Variants in MMP2 observed in about 807,000 individuals in gnomAD.
MMP2 encodes 72 kDa type IV collagenase.
Under a neutral mutation model 74.8 loss-of-function variants are expected in MMP2, and 39 were observed. That is an observed-to-expected ratio of 0.52 (90% CI 0.40 to 0.68). MMP2 has a LOEUF of 0.68. Ranked by LOEUF, MMP2 falls within the 30% of genes least tolerant of loss-of-function variation. The pLI, the probability that MMP2 is intolerant of heterozygous loss-of-function variation, is 0.00. For synonymous variants in MMP2, 367 were observed against 339.8 expected, an observed-to-expected ratio of 1.08 and a Z score of -0.88; for missense variants, 803 against 878.3, an observed-to-expected ratio of 0.91 and a Z score of 1.08.
chr16:55,506,666 T>C lies in MMP2; in HGVS notation c.*1224T>C, dbSNP rs1962810127. On this transcript the variant is annotated 3_prime_UTR_variant, in exon 13 of 13. Coordinates refer to ENST00000219070, the MANE Select transcript of MMP2 (RefSeq NM_004530.6). ...ACCACATAAATAAAAAAGGCCATTA[T>C]TAGTTGAATCTTATTGATGAAGAGA... The C allele has an allele frequency of 1.3e-5, 2 of 152,170 alleles. No homozygotes were observed. The highest frequency in any genetic ancestry group is 1.3e-4 in the Admixed American group (2 of 15,278). 9.4% of individuals were successfully genotyped at this position (152,170 alleles called of 1,614,324 possible).
Position 55,479,277 on chromosome 16 carries a change from T to TGCG in MMP2, c.-183_-181dup, listed in dbSNP as rs567092201. 7.2e-5 allele frequency: 29 copies of TGCG among 401,388 alleles called. No homozygotes were observed. Among genetic ancestry groups the TGCG allele is most frequent in the Middle Eastern group, 7.3e-4 (1 of 1,376 alleles). The allele number at this position is 401,388 out of a possible 1,614,324, so 24.9% of individuals were successfully genotyped here. The stretch of plus-strand genomic sequence containing the variant: ...AACATACAAAGGGATTGCCAGGACC[T>TGCG]GCGGCGGCGGCGGCGGCGGCGGGGG... On this transcript the variant is annotated 5_prime_UTR_variant, in exon 1 of 13. Coordinates refer to ENST00000219070, the MANE Select transcript of MMP2 (RefSeq NM_004530.6).
chr16:55,484,851 C>T (rs1394951813), intron 3 of MMP2, among the ~76,000 whole-genome samples: 1 of 152,126 alleles, frequency 6.6e-6, no homozygotes, highest in Non-Finnish European at 1.5e-5. Context: ...TGGTACAGGC[C>T]TTGGTGACAA....
intron 12 of MMP2, among the ~76,000 whole-genome samples, chr16:55,505,084 T>C (rs568955753): frequency 2.0e-5 from 3 of 152,226 alleles, no homozygotes; most frequent in African/African-American, 7.2e-5. Context: ...CCTAAGTAGC[T>C]TGGACTACAG....
rs17859973 is a variant in MMP2, at chr16:55,497,078, C to G, written c.1609+16C>G. The stretch of plus-strand genomic sequence containing the variant: ...TTCTTTGCAGGTGTGTGGGAAGCAC[C>G]CTTCCTTGGCCCTCAGCTCCACAGG... On this transcript the variant is annotated intron_variant, in intron 10 of 12. Transcript: ENST00000219070. 6.2e-7 allele frequency: 1 copy of G among 1,613,704 alleles called. No individual in the cohort carries two copies. The highest frequency in any genetic ancestry group is 1.3e-5 in the African/African-American group (1 of 74,908).
At chr16:55,505,296 T>C (rs1215630732) in intron 12 of MMP2, 43 bp from the exon 13 acceptor site, 5 of 1,517,998 alleles carry the variant, frequency 3.3e-6, no homozygotes, top group Non-Finnish European at 4.6e-6. Flanking sequence ...TGTGCCAGAA[T>C]GTCAGGATAA....
intron 12 of MMP2, among the ~76,000 whole-genome samples, chr16:55,504,173 G>A (rs1962738719): frequency 6.6e-6 from 1 of 151,926 alleles, no homozygotes; most frequent in African/African-American, 2.4e-5. Flanking sequence ...AAAAGAATGG[G>A]GCCTGGTGTT....
At chr16:55,485,556 A>G in intron 4 of MMP2, 48 bp from the exon 5 acceptor site, 1 of 1,612,388 alleles carries the variant, frequency 6.2e-7, no homozygotes, top group Non-Finnish European at 8.5e-7. Context: ...TTGGTCTCCA[A>G]AGAAGGCCTG....
rs1962038952 is a variant in MMP2 at position 55,479,451 on chromosome 16, G to C, written c.-29G>C. On this transcript the variant is annotated 5_prime_UTR_variant, in exon 1 of 13. Coordinates refer to ENST00000219070, the MANE Select transcript of MMP2 (RefSeq NM_004530.6). Reference sequence around the variant, plus strand: ...ACACGCACCGAGCCAGCGACCCCCGGGCGACGCGCGGGGCCAGGGAGCGCT... The same window carrying C: ...ACACGCACCGAGCCAGCGACCCCCGCGCGACGCGCGGGGCCAGGGAGCGCT... 1 of 1,473,478 alleles carries C rather than the reference G, an allele frequency of 6.8e-7. No individual in the cohort carries two copies. The highest frequency in any genetic ancestry group is 9.0e-7 in the Non-Finnish European group (1 of 1,116,372). The allele number at this position is 1,473,478 out of a possible 1,614,324, so 91.3% of individuals were successfully genotyped here. A position where few individuals can be genotyped will look rare whatever the true frequency, so the allele number is the denominator to read the frequency against.
intron 9 of MMP2, among the ~76,000 whole-genome samples, chr16:55,494,280 T>G (rs972454224): frequency 1.3e-5 from 2 of 152,250 alleles, no homozygotes; most frequent in Admixed American, 6.5e-5. Context: ...GTATCTTCTT[T>G]GTACCTTGGT....
intron 9 of MMP2, among the ~76,000 whole-genome samples, chr16:55,495,363 G>C (rs1006342598): frequency 2.0e-5 from 3 of 152,160 alleles, no homozygotes; most frequent in African/African-American, 7.2e-5. Context: ...CCACATCACA[G>C]TTTTCTTTCA....
At chr16:55,483,175 G>A in intron 2 of MMP2, 40 bp downstream of exon 2, 1 of 1,516,162 alleles carries the variant, frequency 6.6e-7, no homozygotes, top group Middle Eastern at 1.7e-4. Flanking sequence ...CCATGGGGCT[G>A]AGGGACACGA....
intron 8 of MMP2, 48 bp from the exon 9 acceptor site, chr16:55,493,110 G>A (rs768678212): frequency 6.2e-7 from 1 of 1,610,894 alleles, no homozygotes; most frequent in Non-Finnish European, 8.5e-7. Context: ...CCCTAGTGGG[G>A]AGAACCTCTG....
At chr16:55,482,778 C>T (rs2142344025) in intron 1 of MMP2, 131 bp from the exon 2 acceptor site, 1 of 789,872 alleles carries the variant, frequency 1.3e-6, no homozygotes, top group Non-Finnish European at 2.1e-6. Flanking sequence ...ACCCAGTGCT[C>T]TGGGACCCCT....
chr16:55,481,184 T>C (rs1311013243), intron 1 of MMP2, among the ~76,000 whole-genome samples: 1 of 152,118 alleles, frequency 6.6e-6, no homozygotes, highest in African/African-American at 2.4e-5. Flanking sequence ...ATACATATGG[T>C]TATTTCTTGA....
At position 55,502,968 on chromosome 16, in the gene MMP2, C is replaced by A. The variant is rs777602035; in HGVS notation, c.1879+80C>A. The A allele has an allele frequency of 3.5e-6, 4 of 1,137,804 alleles. No homozygotes were observed. The East Asian group carries it at 7.3e-5, about 21-fold the overall frequency. 70.5% of individuals were successfully genotyped at this position (1,137,804 alleles called of 1,614,324 possible). On this transcript the variant is annotated intron_variant, in intron 12 of 12. Coordinates refer to ENST00000219070, the MANE Select transcript of MMP2 (RefSeq NM_004530.6). ...CCCAGCTCCTTGCAAATACACACTT[C>A]TTTATTGTGCAGGGCAGGCAGGCAG...
Position 55,491,889 on chromosome 16 carries a change from C to A in MMP2, c.1269C>A (p.Pro423=). 2 of 1,610,082 alleles carry A rather than the reference C, an allele frequency of 1.2e-6. No individual in the cohort carries two copies. Among genetic ancestry groups the A allele is most frequent in the Non-Finnish European group, 1.7e-6 (2 of 1,177,718 alleles). The part of the protein sequence containing the change: ...HSQDPGALMA[P]IYTYTKNFRL... ...AAGACCCTGGGGCCCTGATGGCACCCATTTACACCTACACCAAGAACTTCC... is the reference window on the plus strand; with the variant it reads ...AAGACCCTGGGGCCCTGATGGCACCAATTTACACCTACACCAAGAACTTCC... The change falls in exon 8 of 13, where the codon CCC becomes CCA. Residue 423 remains proline, a synonymous_variant. Coordinates refer to ENST00000219070, the MANE Select transcript of MMP2 (RefSeq NM_004530.6).
intron 10 of MMP2, among the ~76,000 whole-genome samples, chr16:55,497,772 G>A (rs1333880011): frequency 1.3e-5 from 2 of 152,132 alleles, no homozygotes; most frequent in South Asian, 2.1e-4. Context: ...CTCTGCCTTC[G>A]CGATGCTCAC....
intron 6 of MMP2, 156 bp downstream of exon 6, chr16:55,488,872 A>C (rs1962329493): frequency 1.3e-6 from 1 of 795,064 alleles, no homozygotes; most frequent in Admixed American, 2.1e-5. Context: ...CCGTGTAGCT[A>C]GTCAGGATAC....
rs1439547007 is a variant in MMP2, at chr16:55,492,034, G to T, written c.1336+78G>T. 5 of 1,412,690 alleles carry T rather than the reference G, an allele frequency of 3.5e-6. No individual in the cohort carries two copies. In the African/African-American group the frequency reaches 4.2e-5, roughly 12 times the overall value. 87.5% of individuals were successfully genotyped at this position (1,412,690 alleles called of 1,614,324 possible). ...GTAGCCTGGGATGGAGGCCCAGGGG[G>T]TGGGACCAGCAAGATCTCATCCAGC... On this transcript the variant is annotated intron_variant, in intron 8 of 12. Coordinates refer to ENST00000219070, the MANE Select transcript of MMP2 (RefSeq NM_004530.6).
Sources: gnomAD v4.1 joint callset for allele counts (sites outside exome capture counted in the v4.1 genomes callset) on GRCh38, gnomAD v4.1.1 for gene constraint, MANE v1.5 for transcripts, NCBI Gene and HGNC (gene_info 2026-07-23, HGNC 2026-07-21) for gene names.